RANBP2: variants seen among roughly 807,000 people sequenced by gnomAD.
RANBP2 encodes E3 SUMO-protein ligase RanBP2.
A neutral mutation model predicts 303.6 loss-of-function variants in RANBP2; 57 were observed. The observed-to-expected ratio is 0.19, with a 90% CI of 0.15 to 0.23. The LOEUF is 0.23. Ranked by LOEUF, RANBP2 falls within the 10% of genes least tolerant of loss-of-function variation. The pLI, the probability that RANBP2 is intolerant of heterozygous loss-of-function variation, is 1.00. For synonymous variants in RANBP2, 1,167 were observed against 1,301.5 expected (o/e 0.90, Z 2.23); for missense variants, 3,138 against 3,780.8 (o/e 0.83, Z 4.46).
chr2:109,062,639 A>G, the RANBP2 span, among the ~76,000 whole-genome samples: 1 of 152,128 alleles, frequency 6.6e-6, no homozygotes, highest in Non-Finnish European at 1.5e-5. Flanking sequence ...TGAGGGGCCC[A>G]AAGCTTGGAG....
At chr2:109,030,955 A>G in the RANBP2 span, among the ~76,000 whole-genome samples, 1 of 152,180 alleles carries the variant, frequency 6.6e-6, no homozygotes, top group Non-Finnish European at 1.5e-5. Context: ...ATATATACTC[A>G]TAACTAGTAC....
the RANBP2 span, among the ~76,000 whole-genome samples, chr2:109,222,945 G>A: frequency 8.4e-3 from 1,276 of 152,358 alleles, 13 homozygotes; most frequent in African/African-American, 0.029. Context: ...GCCCCTGCCT[G>A]GGGCTACGGT....
the RANBP2 span, among the ~76,000 whole-genome samples, chr2:109,306,920 G>A: frequency 2.6e-5 from 4 of 152,352 alleles, no homozygotes; most frequent in African/African-American, 4.8e-5. Context: ...ATGCATGCCC[G>A]TGTGGATGGC....
chr2:109,365,844 C>T, the RANBP2 span, among the ~76,000 whole-genome samples: 4 of 152,174 alleles, frequency 2.6e-5, no homozygotes, highest in African/African-American at 9.7e-5. Context: ...ATCCCTTTCA[C>T]TGTTAAATTG....
At chr2:109,666,282 C>T in the RANBP2 span, among the ~76,000 whole-genome samples, 1 of 152,042 alleles carries the variant, frequency 6.6e-6, no homozygotes, top group Non-Finnish European at 1.5e-5. Context: ...GGATGTGGTG[C>T]CCATTGTCCA....
chr2:109,508,029 G>A, the RANBP2 span, among the ~76,000 whole-genome samples: 2 of 152,170 alleles, frequency 1.3e-5, no homozygotes, highest in African/African-American at 2.4e-5. Flanking sequence ...CTCACATGAC[G>A]TTTGTGGGTA....
At chr2:109,012,892 C>T in the RANBP2 span, among the ~76,000 whole-genome samples, 7 of 152,022 alleles carry the variant, frequency 4.6e-5, no homozygotes, top group African/African-American at 1.4e-4. Context: ...CCAGCCTGGG[C>T]GACAGAGCGA....
chr2:109,297,094 G>C, the RANBP2 span, among the ~76,000 whole-genome samples: 2 of 152,074 alleles, frequency 1.3e-5, no homozygotes, highest in Non-Finnish European at 2.9e-5. Context: ...GGGTGACCGG[G>C]ATGGGAAGCC....
the RANBP2 span, among the ~76,000 whole-genome samples, chr2:109,093,052 C>T: frequency 1.3e-5 from 2 of 152,144 alleles, no homozygotes; most frequent in African/African-American, 4.8e-5. Context: ...GGGGATACTT[C>T]TTGGTTTCTG....
the RANBP2 span, among the ~76,000 whole-genome samples, chr2:109,162,007 T>C: frequency 1.3e-5 from 2 of 152,130 alleles, no homozygotes; most frequent in African/African-American, 2.4e-5. Context: ...CAGAAAGTAC[T>C]TCCCCTCCTC....
Position 108,777,155 on chromosome 2 carries a change from A to G in RANBP2, c.8523A>G (p.Gly2841=). ...SQGESKIVSF[G]FGSSTGLSFA... ...GGGAAAGCAAGATAGTTTCATTTGG[A>G]TTTGGAAGTAGCACAGGGCTCTCAT... Residue 2841 remains glycine, a synonymous_variant, in exon 25 of 29, where the codon GGA becomes GGG. Transcript: ENST00000283195. 6.2e-7 allele frequency: 1 copy of G among 1,613,410 alleles called. No individual in the cohort carries two copies. The highest frequency in any genetic ancestry group is 2.2e-5 in the East Asian group (1 of 44,818).
the RANBP2 span, among the ~76,000 whole-genome samples, chr2:109,643,469 C>A: frequency 6.6e-6 from 1 of 152,020 alleles, no homozygotes. Flanking sequence ...AGTAAAGAAG[C>A]CTGCCAAAGG....
the RANBP2 span, among the ~76,000 whole-genome samples, chr2:109,195,192 T>C: frequency 0.01 from 1,224 of 120,614 alleles, 12 homozygotes; most frequent in East Asian, 0.053. Context: ...TCATTGGAGA[T>C]GGGGCTAGGA....
chr2:109,301,547 C>T, the RANBP2 span, among the ~76,000 whole-genome samples: 41,551 of 151,938 alleles, frequency 0.27, 7,423 homozygotes, highest in African/African-American at 0.5. Context: ...GTGCCCAGAG[C>T]CCATAAACCA....
chr2:108,971,648 G>C, the RANBP2 span, among the ~76,000 whole-genome samples: 1 of 152,186 alleles, frequency 6.6e-6, no homozygotes, highest in African/African-American at 2.4e-5. Flanking sequence ...TCATTTTATG[G>C]AAGAAGAAAC....
At chr2:109,078,108 A>ATATATAGCGTG in the RANBP2 span, among the ~76,000 whole-genome samples, 56 of 89,866 alleles carry the variant, frequency 6.2e-4, no homozygotes, top group Non-Finnish European at 5.2e-4. Flanking sequence ...ATATATATAT[A>ATATATAGCGTG]TATATATATA....
At chr2:108,722,786 T>C (rs1694372148) in intron 1 of RANBP2, among the ~76,000 whole-genome samples, 1 of 151,064 alleles carries the variant, frequency 6.6e-6, no homozygotes, top group African/African-American at 2.5e-5. Context: ...ACCTACTCGG[T>C]AGGCTGAGAC....
chr2:109,555,337 C>A, the RANBP2 span, among the ~76,000 whole-genome samples: 4 of 152,238 alleles, frequency 2.6e-5, no homozygotes, highest in South Asian at 8.3e-4. Flanking sequence ...TCATTGTTCC[C>A]AGAACGAACC....
the RANBP2 span, among the ~76,000 whole-genome samples, chr2:109,622,274 G>A: frequency 6.6e-5 from 10 of 152,136 alleles, no homozygotes; most frequent in African/African-American, 2.2e-4. Flanking sequence ...TTGTGCTCAG[G>A]CAGACTGGCT....
Sources: gnomAD v4.1 joint callset for allele counts (sites outside exome capture counted in the v4.1 genomes callset) on GRCh38, gnomAD v4.1.1 for gene constraint, MANE v1.5 for transcripts, NCBI Gene and HGNC (gene_info 2026-07-23, HGNC 2026-07-21) for gene names.